The following FGF14 variants were observed in gnomAD, a reference collection of about 807,000 sequenced individuals.
FGF14 encodes fibroblast growth factor 14.
A neutral mutation model predicts 25.5 loss-of-function variants in FGF14; 5 were observed. That is an observed-to-expected ratio of 0.20 (90% confidence interval 0.10 to 0.41). The LOEUF (loss-of-function observed/expected upper bound fraction) is 0.41, where lower values mean the gene tolerates loss of function less well. Ranked by LOEUF, FGF14 falls within the 10% of genes least tolerant of loss-of-function variation. FGF14 has a pLI of 1.00. For missense variants in FGF14, 222 were observed against 320.1 expected (o/e 0.69, Z 2.34); for synonymous variants, 138 against 118.3 (o/e 1.17, Z -1.08).
chr13:102,375,923 T>C (rs2058030119), intron 1 of FGF14, among the ~76,000 whole-genome samples: 1 of 152,090 alleles, frequency 6.6e-6, no homozygotes, highest in South Asian at 2.1e-4. Context: ...CAAACCTAAT[T>C]GAAATGAAAA....
chr13:102,145,151 T>A (rs1330552315), intron 1 of FGF14, among the ~76,000 whole-genome samples: 3 of 152,212 alleles, frequency 2.0e-5, no homozygotes, highest in Non-Finnish European at 2.9e-5. Flanking sequence ...GGTAGGCATA[T>A]GAATCCTCCA....
At chr13:102,006,816 C>T (rs2039827029) in intron 1 of FGF14, among the ~76,000 whole-genome samples, 1 of 137,244 alleles carries the variant, frequency 7.3e-6, no homozygotes, top group Non-Finnish European at 1.5e-5. Flanking sequence ...GCAATCTCGG[C>T]TCACTGCAAG....
intron 3 of FGF14, among the ~76,000 whole-genome samples, chr13:101,799,255 T>C (rs1349061039): frequency 6.6e-6 from 1 of 152,092 alleles, no homozygotes; most frequent in Admixed American, 6.6e-5. Context: ...TTCTCTCTGA[T>C]ACTCATTTTG....
chr13:101,889,965 C>A (rs1476935408), intron 1 of FGF14, among the ~76,000 whole-genome samples: 1 of 152,182 alleles, frequency 6.6e-6, no homozygotes, highest in East Asian at 1.9e-4. Context: ...TAAATATCCC[C>A]ATTTATGAAA....
chr13:102,258,938 C>T (rs894224312), intron 1 of FGF14, among the ~76,000 whole-genome samples: 8 of 152,020 alleles, frequency 5.3e-5, no homozygotes, highest in African/African-American at 1.7e-4. Flanking sequence ...CTTTATGCCT[C>T]CCAGGAAGTT....
At chr13:102,115,508 C>T (rs1367094632) in intron 1 of FGF14, among the ~76,000 whole-genome samples, 2 of 152,224 alleles carry the variant, frequency 1.3e-5, no homozygotes, top group East Asian at 1.9e-4. Flanking sequence ...TCATTGCTGA[C>T]CACATGTAGG....
chr13:102,068,295 G>C (rs2042987318), intron 1 of FGF14, among the ~76,000 whole-genome samples: 1 of 152,238 alleles, frequency 6.6e-6, no homozygotes, highest in African/African-American at 2.4e-5. Flanking sequence ...ACGATGGTGA[G>C]AGGTGACAGC....
intron 1 of FGF14, among the ~76,000 whole-genome samples, chr13:102,344,425 T>C (rs1270104400): frequency 1.3e-5 from 2 of 152,198 alleles, no homozygotes; most frequent in Non-Finnish European, 2.9e-5. Flanking sequence ...AAACACTAAT[T>C]AGATGTGTAA....
intron 1 of FGF14, among the ~76,000 whole-genome samples, chr13:101,940,072 C>T (rs761789391): frequency 2.6e-5 from 4 of 152,220 alleles, no homozygotes; most frequent in African/African-American, 7.2e-5. Context: ...GCCAAGTCAC[C>T]TCTCTGGACC....
intron 1 of FGF14, among the ~76,000 whole-genome samples, chr13:102,205,752 T>C (rs1480674464): frequency 7.5e-6 from 1 of 132,504 alleles, no homozygotes; most frequent in Non-Finnish European, 1.6e-5. Context: ...AAAAAAAACC[T>C]CCATAAATAA....
chr13:102,073,605 T>G (rs531299656), intron 1 of FGF14, among the ~76,000 whole-genome samples: 1 of 152,234 alleles, frequency 6.6e-6, no homozygotes, highest in African/African-American at 2.4e-5. Context: ...TGCAAGGAAA[T>G]TTTTCAAAAC....
intron 3 of FGF14, among the ~76,000 whole-genome samples, chr13:101,819,225 G>T (rs1014514311): frequency 9.2e-5 from 14 of 152,122 alleles, no homozygotes; most frequent in Admixed American, 7.9e-4. Context: ...AAATTAATTT[G>T]TGACAAATTA....
chr13:101,722,470 G>C lies in FGF14; in HGVS notation c.*361C>G. 1 of 334,036 alleles carries C rather than the reference G, an allele frequency of 3.0e-6. No homozygotes were observed. Among genetic ancestry groups the C allele is most frequent in the South Asian group, 2.7e-5 (1 of 37,058 alleles). 20.7% of individuals were successfully genotyped at this position (334,036 alleles called of 1,614,324 possible). On this transcript the variant is annotated 3_prime_UTR_variant, in exon 5 of 5. Transcript: ENST00000376143. Reference sequence around the variant, plus strand: ...AATTGAACTTAAACACATAGATTTCGCTGAAACAGGACTCAAAAAGGATTA... The same window carrying C: ...AATTGAACTTAAACACATAGATTTCCCTGAAACAGGACTCAAAAAGGATTA...
At chr13:101,897,920 A>T (rs2030946463) in intron 1 of FGF14, among the ~76,000 whole-genome samples, 1 of 152,034 alleles carries the variant, frequency 6.6e-6, no homozygotes, top group South Asian at 2.1e-4. Context: ...TTGGAGACAG[A>T]GTCTTACTCT....
intron 1 of FGF14, among the ~76,000 whole-genome samples, chr13:101,960,216 G>C (rs979734227): frequency 2.0e-5 from 3 of 152,134 alleles, no homozygotes; most frequent in African/African-American, 4.8e-5. Flanking sequence ...TCTTAATTAA[G>C]TTCTGGGACA....
intron 1 of FGF14, among the ~76,000 whole-genome samples, chr13:102,074,327 G>A (rs1009354974): frequency 6.6e-6 from 1 of 152,130 alleles, no homozygotes; most frequent in Non-Finnish European, 1.5e-5. Context: ...TATTCTTTAT[G>A]AGCTCCAGGT....
chr13:102,295,141 C>T (rs973138797), intron 1 of FGF14, among the ~76,000 whole-genome samples: 7 of 152,146 alleles, frequency 4.6e-5, no homozygotes, highest in Admixed American at 1.3e-4. Context: ...CCAACTTCTA[C>T]AGGAGGTTCT....
At chr13:102,302,456 C>G (rs1328298806) in intron 1 of FGF14, among the ~76,000 whole-genome samples, 1 of 152,112 alleles carries the variant, frequency 6.6e-6, no homozygotes, top group East Asian at 1.9e-4. Flanking sequence ...TTGTCACTAT[C>G]TATACTGATT....
At chr13:102,142,969 A>G (rs1388216198) in intron 1 of FGF14, among the ~76,000 whole-genome samples, 5 of 152,198 alleles carry the variant, frequency 3.3e-5, no homozygotes, top group African/African-American at 7.2e-5. Flanking sequence ...TGCACCTTCT[A>G]TAAACATTTT....
Sources: allele counts gnomAD v4.1 joint callset (sites outside exome capture counted in the v4.1 genomes callset), GRCh38; gene constraint gnomAD v4.1.1; transcripts MANE v1.5; gene names NCBI Gene and HGNC (gene_info 2026-07-23, HGNC 2026-07-21).